The following CELF4 variants were observed in gnomAD, a reference collection of about 807,000 sequenced individuals.
The protein encoded by CELF4 is CUGBP Elav-like family member 4, also known as CUG-BP- and ETR-3-like factor 4.
A neutral mutation model predicts 59.9 loss-of-function variants in CELF4; 18 were observed. The observed-to-expected ratio is 0.30, with a 90% CI of 0.21 to 0.45. The LOEUF (loss-of-function observed/expected upper bound fraction) is 0.45, where lower values mean the gene tolerates loss of function less well. Among genes scored for constraint, CELF4 ranks in the 20% least tolerant of loss-of-function variants. CELF4 has a pLI of 1.00. For synonymous variants in CELF4, 261 were observed against 267.1 expected, an observed-to-expected ratio of 0.98 and a Z score of 0.22; for missense variants, 456 against 689.0, an observed-to-expected ratio of 0.66 and a Z score of 3.79.
intron 1 of CELF4, chr18:37,529,329 CA>C (rs2099967046): frequency 6.6e-6 from 1 of 152,248 alleles, no homozygotes; most frequent in South Asian, 2.1e-4. Flanking sequence ...GAGCAGCACA[CA>C]AAGGCACACT....
intron 2 of CELF4, among the ~76,000 whole-genome samples, chr18:37,418,131 T>G (rs2099544349): frequency 6.6e-6 from 1 of 152,238 alleles, no homozygotes; most frequent in South Asian, 2.1e-4. Flanking sequence ...GTTCTCTTTC[T>G]GTCCTCTCCC....
At chr18:37,312,050 G>A (rs1488608879) in intron 3 of CELF4, among the ~76,000 whole-genome samples, 1 of 143,862 alleles carries the variant, frequency 7.0e-6, no homozygotes, top group Non-Finnish European at 1.5e-5. Context: ...GGTGGAACTT[G>A]CAGTGAGCCC....
rs73947243 is a variant in CELF4 at position 37,478,501 on chromosome 18, A to G, written c.369+7024T>C. Among the ~76,000 whole-genome samples, 1,506 of 152,354 alleles carry G rather than the reference A, an allele frequency of 9.9e-3. 27 individuals are homozygous for G. Among genetic ancestry groups the G allele is most frequent in the African/African-American group, 0.034 (1,428 of 41,586 alleles). ...GGGCCACTGAGAAGATGAGGCCCCT[A>G]TGAGAGTCAAGAGTCACTTGCTTGA... On this transcript the variant is annotated intron_variant, in intron 2 of 12. Transcript: ENST00000420428.
At chr18:37,497,402 C>G (rs2099926369) in intron 1 of CELF4, among the ~76,000 whole-genome samples, 1 of 152,152 alleles carries the variant, frequency 6.6e-6, no homozygotes. Context: ...GCCTGTAATC[C>G]CAGCACTTTG....
intron 2 of CELF4, among the ~76,000 whole-genome samples, chr18:37,469,921 G>A (rs559526896): frequency 8.3e-4 from 126 of 152,292 alleles, no homozygotes; most frequent in African/African-American, 3.0e-3. Context: ...ATCAGTGGGA[G>A]GTAGCCCACC....
intron 2 of CELF4, among the ~76,000 whole-genome samples, chr18:37,443,732 C>T (rs572632388): frequency 6.6e-5 from 10 of 152,226 alleles, no homozygotes; most frequent in South Asian, 6.2e-4. Flanking sequence ...CTCTCTGTGT[C>T]GGGGCTGGGG....
chr18:37,292,778 T>A (rs7241842), intron 3 of CELF4, among the ~76,000 whole-genome samples: 1 of 152,130 alleles, frequency 6.6e-6, no homozygotes, highest in East Asian at 1.9e-4. Context: ...CGCTGCAAGG[T>A]GATTTTGCAA....
rs1426701955 is a variant in CELF4, at chr18:37,275,255, T to G, written c.449-12A>C. On this transcript the variant is annotated splice_polypyrimidine_tract_variant and intron_variant, in intron 3 of 12. Transcript: ENST00000420428. ...GAGTTTTCTATCTTCTAGAACAAAA[T>G]TAGGAGATGCTTACCCGGGCCAGGG... 1 of 1,611,854 alleles carries G rather than the reference T, an allele frequency of 6.2e-7. No homozygotes were observed. Among genetic ancestry groups the G allele is most frequent in the South Asian group, 1.1e-5 (1 of 91,016 alleles).
chr18:37,536,960 G>A (rs144447832), intron 1 of CELF4, among the ~76,000 whole-genome samples: 139 of 152,326 alleles, frequency 9.1e-4, no homozygotes, highest in Non-Finnish European at 1.5e-3. Flanking sequence ...ATAAAGCCAA[G>A]GACAGATGTG....
intron 9 of CELF4, among the ~76,000 whole-genome samples, chr18:37,265,165 C>T (rs140329998): frequency 1.4e-4 from 21 of 145,258 alleles, no homozygotes; most frequent in East Asian, 6.2e-4. Context: ...TATGTGTGTG[C>T]GTGCGTGTAC....
At chr18:37,332,394 A>G (rs546233024) in intron 2 of CELF4, among the ~76,000 whole-genome samples, 1 of 152,240 alleles carries the variant, frequency 6.6e-6, no homozygotes, top group East Asian at 1.9e-4. Context: ...TTGCTATGCA[A>G]CAGGCAGCTC....
At chr18:37,290,342 A>C (rs8093713) in intron 3 of CELF4, among the ~76,000 whole-genome samples, 84,191 of 152,116 alleles carry the variant, frequency 0.55, 25,316 homozygotes, top group African/African-American at 0.8. Flanking sequence ...CATCTAGATG[A>C]TGTTGTGATT....
At position 37,552,298 on chromosome 18, in the gene CELF4, C is replaced by T. The variant is rs566780135; in HGVS notation, c.286+13058G>A. Among the ~76,000 whole-genome samples, 90 of 152,380 alleles carry T rather than the reference C, an allele frequency of 5.9e-4. 1 individual carries two copies. In the South Asian group the frequency reaches 0.019, roughly 32 times the overall value. ...TGAATTGGACATGAATCTGCACCTC[C>T]ATGAGGGAGGCCTATGTCTCCCCTG... On this transcript the variant is annotated intron_variant, in intron 1 of 12. Transcript: ENST00000420428.
chr18:37,561,344 A>G (rs1603644249), intron 1 of CELF4, among the ~76,000 whole-genome samples: 1 of 152,350 alleles, frequency 6.6e-6, no homozygotes, highest in African/African-American at 2.4e-5. Context: ...CTCTGGGAAC[A>G]AGCACACATC....
At chr18:37,488,966 T>C (rs1213999081) in intron 1 of CELF4, among the ~76,000 whole-genome samples, 3 of 152,206 alleles carry the variant, frequency 2.0e-5, no homozygotes, top group African/African-American at 7.2e-5. Context: ...GGAGACCTAC[T>C]TGCCAGTGAG....
chr18:37,288,288 C>T (rs903747739), intron 3 of CELF4, among the ~76,000 whole-genome samples: 3 of 152,212 alleles, frequency 2.0e-5, no homozygotes, highest in Non-Finnish European at 2.9e-5. Flanking sequence ...CTTATAGGTG[C>T]CTGCTCCTAA....
intron 1 of CELF4, among the ~76,000 whole-genome samples, chr18:37,543,558 G>C (rs1359346676): frequency 6.6e-6 from 1 of 152,168 alleles, no homozygotes; most frequent in Non-Finnish European, 1.5e-5. Context: ...GTGCAGCCCA[G>C]CACTGGGCAC....
intron 1 of CELF4, among the ~76,000 whole-genome samples, chr18:37,547,227 T>C (rs915516072): frequency 9.3e-5 from 14 of 149,976 alleles, no homozygotes; most frequent in Middle Eastern, 3.4e-3. Flanking sequence ...CATCTTCTCT[T>C]CCAAATGTGT....
At chr18:37,360,881 TG>T (rs2098693115) in intron 2 of CELF4, among the ~76,000 whole-genome samples, 1 of 152,252 alleles carries the variant, frequency 6.6e-6, no homozygotes, top group South Asian at 2.1e-4. Context: ...TCACCCTTGC[TG>T]GGTCTCCAAA....
Sources: allele counts gnomAD v4.1 joint callset (sites outside exome capture counted in the v4.1 genomes callset), GRCh38; gene constraint gnomAD v4.1.1; transcripts MANE v1.5; gene names NCBI Gene and HGNC (gene_info 2026-07-23, HGNC 2026-07-21).